PTCHD4: variants seen among roughly 807,000 people sequenced by gnomAD.
The protein encoded by PTCHD4 is patched domain-containing protein 4.
PTCHD4 carries 33 observed loss-of-function variants against 58.1 expected under a neutral mutation model. That is an observed-to-expected ratio of 0.57 (90% CI 0.43 to 0.76). PTCHD4 has a LOEUF of 0.76. Ranked by LOEUF, PTCHD4 falls within the 30% of genes least tolerant of loss-of-function variation. PTCHD4 has a pLI of 0.00. For synonymous variants in PTCHD4, 478 were observed against 409.6 expected (o/e 1.17, Z -2.02); for missense variants, 1,058 against 1,027.1 (o/e 1.03, Z -0.41).
intron 3 of PTCHD4, among the ~76,000 whole-genome samples, chr6:48,040,442 G>T (rs1175394723): frequency 8.3e-5 from 12 of 145,326 alleles, no homozygotes; most frequent in African/African-American, 3.1e-4. Context: ...CTATAAGTCA[G>T]TTTTTGCCTC....
intron 1 of PTCHD4, among the ~76,000 whole-genome samples, chr6:48,079,945 A>G (rs1765131001): frequency 6.9e-6 from 1 of 145,042 alleles, no homozygotes; most frequent in African/African-American, 2.5e-5. Flanking sequence ...CTCTTATACA[A>G]TTCAAAACCC....
intron 4 of PTCHD4, among the ~76,000 whole-genome samples, chr6:47,907,083 G>C (rs970204475): frequency 2.0e-5 from 3 of 152,074 alleles, no homozygotes; most frequent in African/African-American, 4.8e-5. Context: ...CATCTGAAAC[G>C]AACAGGTTTT....
chr6:47,892,975 T>C (rs559927938), intron 4 of PTCHD4, among the ~76,000 whole-genome samples: 1 of 152,344 alleles, frequency 6.6e-6, no homozygotes, highest in Non-Finnish European at 1.5e-5. Flanking sequence ...AACTTCCTTT[T>C]TGATTCAACT....
rs545019921 is a variant in PTCHD4 at position 47,866,756 on chromosome 6, AT to A, written c.*11546del. ...TTAACTATTAAAAAGGACAAGGGTA[AT>A]GTATAAATCAGTTAGGTTTATGCTT... On this transcript the variant is annotated 3_prime_UTR_variant, in exon 5 of 5. Transcript: ENST00000339488. Among the ~76,000 whole-genome samples the A allele has an allele frequency of 1.4e-4, 21 of 151,994 alleles. No homozygotes were observed. The East Asian group carries it at 3.9e-3, about 28-fold the overall frequency.
intron 3 of PTCHD4, among the ~76,000 whole-genome samples, chr6:48,066,707 T>C (rs558801249): frequency 6.6e-6 from 1 of 152,272 alleles, no homozygotes; most frequent in South Asian, 2.1e-4. Context: ...AAATCATCTG[T>C]TTCGTTTCAC....
chr6:47,860,355 G>A lies in PTCHD4; in HGVS notation c.*17948C>T, dbSNP rs1763395595. 6.6e-6 allele frequency among the ~76,000 whole-genome samples: 1 copy of A among 151,912 alleles called. No homozygotes were observed. Among genetic ancestry groups the A allele is most frequent in the Non-Finnish European group, 1.5e-5 (1 of 67,922 alleles). ...AAACTGTCAATTAAGAAAAGACAAA[G>A]AAATATATGACTCTAAAAACAAATT... is the stretch of plus-strand genomic sequence containing the variant. On this transcript the variant is annotated 3_prime_UTR_variant, in exon 5 of 5. Transcript: ENST00000339488.
At chr6:48,002,900 A>G (rs138177973) in intron 4 of PTCHD4, among the ~76,000 whole-genome samples, 27 of 152,172 alleles carry the variant, frequency 1.8e-4, no homozygotes, top group African/African-American at 6.3e-4. Flanking sequence ...TGACTTCTAT[A>G]TTGCTAAATC....
chr6:47,952,929 A>G (rs1241907994), intron 4 of PTCHD4, among the ~76,000 whole-genome samples: 3 of 151,368 alleles, frequency 2.0e-5, no homozygotes, highest in Non-Finnish European at 4.4e-5. Flanking sequence ...TAGAAAATAT[A>G]TCACATATAT....
chr6:47,958,605 A>T (rs551174457), intron 4 of PTCHD4, among the ~76,000 whole-genome samples: 1 of 152,304 alleles, frequency 6.6e-6, no homozygotes, highest in Non-Finnish European at 1.5e-5. Context: ...ACTCAAGTGG[A>T]TAGAGCTCAC....
chr6:47,898,992 G>A (rs780553954), intron 4 of PTCHD4, among the ~76,000 whole-genome samples: 1 of 152,246 alleles, frequency 6.6e-6, no homozygotes, highest in Middle Eastern at 3.4e-3. Flanking sequence ...GAAATGGAAG[G>A]CTTTCCTCTT....
At chr6:47,989,665 C>G (rs1768208744) in intron 4 of PTCHD4, among the ~76,000 whole-genome samples, 1 of 152,168 alleles carries the variant, frequency 6.6e-6, no homozygotes, top group South Asian at 2.1e-4. Flanking sequence ...GCACAGAAGT[C>G]AAGAATTGAG....
At chr6:48,107,873 G>C (rs1179402689) in intron 1 of PTCHD4, among the ~76,000 whole-genome samples, 2 of 152,210 alleles carry the variant, frequency 1.3e-5, no homozygotes, top group African/African-American at 4.8e-5. Context: ...CTGGCCATCA[G>C]AGAAATACAA....
rs112460194 is a variant in PTCHD4, at chr6:47,894,590, A to G, written c.899-14654T>C. Among the ~76,000 whole-genome samples the G allele has an allele frequency of 1.7e-3, 262 of 152,376 alleles. 2 individuals are homozygous for G. Among genetic ancestry groups the G allele is most frequent in the African/African-American group, 5.9e-3 (244 of 41,590 alleles). On this transcript the variant is annotated intron_variant, in intron 4 of 4. Transcript: ENST00000339488. ...TGCCCTTGGCACTTACTAAACATTC[A>G]ATAAATGTTAGCCATCATTTTTATT... is the stretch of plus-strand genomic sequence containing the variant.
chr6:47,915,705 A>T (rs982289894), intron 4 of PTCHD4, among the ~76,000 whole-genome samples: 2 of 151,960 alleles, frequency 1.3e-5, no homozygotes, highest in African/African-American at 4.8e-5. Context: ...AGTGCTTGAC[A>T]TTTATAATTA....
At chr6:47,917,059 T>G (rs1035439945) in intron 4 of PTCHD4, among the ~76,000 whole-genome samples, 1 of 152,176 alleles carries the variant, frequency 6.6e-6, no homozygotes, top group Non-Finnish European at 1.5e-5. Flanking sequence ...ACTTTGTATG[T>G]AAAACATGAT....
intron 4 of PTCHD4, among the ~76,000 whole-genome samples, chr6:47,936,901 G>C (rs1373585014): frequency 2.6e-5 from 4 of 152,210 alleles, no homozygotes; most frequent in Non-Finnish European, 4.4e-5. Context: ...ACCTAGAGGT[G>C]GTCAAGCTAG....
chr6:48,013,375 G>GA (rs1762753737), intron 3 of PTCHD4, among the ~76,000 whole-genome samples: 1 of 145,370 alleles, frequency 6.9e-6, no homozygotes, highest in Non-Finnish European at 1.5e-5. Flanking sequence ...TTTCAGTTGA[G>GA]TTTTTTTTTT....
intron 1 of PTCHD4, among the ~76,000 whole-genome samples, chr6:48,086,744 A>C (rs2113898414): frequency 6.6e-6 from 1 of 152,282 alleles, no homozygotes; most frequent in East Asian, 1.9e-4. Context: ...AGACTTATAA[A>C]GTTATAAAGT....
At chr6:48,062,670 G>A (rs1764670658) in intron 3 of PTCHD4, among the ~76,000 whole-genome samples, 1 of 152,064 alleles carries the variant, frequency 6.6e-6, no homozygotes, top group Non-Finnish European at 1.5e-5. Context: ...TATCCCAATA[G>A]GATGGCCAGG....
Sources: gnomAD v4.1 joint callset for allele counts (sites outside exome capture counted in the v4.1 genomes callset) on GRCh38, gnomAD v4.1.1 for gene constraint, MANE v1.5 for transcripts, NCBI Gene and HGNC (gene_info 2026-07-23, HGNC 2026-07-21) for gene names.